SCMH1: variants seen among roughly 807,000 people sequenced by gnomAD.
The protein encoded by SCMH1 is polycomb protein SCMH1.
SCMH1 carries 37 observed loss-of-function variants against 70.8 expected under a neutral mutation model. The observed-to-expected ratio is 0.52, with a 90% CI of 0.40 to 0.69. SCMH1 has a LOEUF of 0.69. SCMH1 is among the 30% of genes least tolerant of loss of function. SCMH1 has a pLI of 0.00. For synonymous variants in SCMH1, 292 were observed against 307.4 expected (o/e 0.95, Z 0.52); for missense variants, 607 against 827.3 (o/e 0.73, Z 3.27).
intron 8 of SCMH1, chr1:41,098,493 A>G (rs1338499937): frequency 6.6e-6 from 1 of 152,240 alleles, no homozygotes; most frequent in Non-Finnish European, 1.5e-5. Flanking sequence ...TTATAGATGA[A>G]GAAACAAAGA....
chr1:41,196,838 A>G (rs1653134194), intron 1 of SCMH1, among the ~76,000 whole-genome samples: 1 of 152,204 alleles, frequency 6.6e-6, no homozygotes. Context: ...CGGAACCCCT[A>G]TAATTCAACA....
In SCMH1 at chr1:41,116,907, T is replaced by G; in HGVS notation, c.501+15A>C. On this transcript the variant is annotated intron_variant, in intron 7 of 14. Coordinates refer to ENST00000337495, the Ensembl canonical transcript of SCMH1. ...TAAGCAGCCTGGAGCTGGTGATATC[T>G]GAGGGATAGCCTACCTTGTGGAAAA... The G allele has an allele frequency of 4.4e-6, 7 of 1,590,848 alleles. No homozygotes were observed. Among genetic ancestry groups the G allele is most frequent in the Non-Finnish European group, 6.0e-6 (7 of 1,167,266 alleles).
intron 1 of SCMH1, among the ~76,000 whole-genome samples, chr1:41,196,110 A>C (rs566541871): frequency 3.7e-4 from 57 of 152,308 alleles, no homozygotes; most frequent in South Asian, 6.2e-4. Flanking sequence ...TCATGGACTG[A>C]AAGACTAATA....
chr1:41,114,257 T>C (rs894619887), intron 7 of SCMH1, among the ~76,000 whole-genome samples: 3 of 152,202 alleles, frequency 2.0e-5, no homozygotes, highest in Non-Finnish European at 4.4e-5. Flanking sequence ...TCCAAAGTGG[T>C]TGTAACATTG....
chr1:41,165,661 T>C (rs902291537), intron 2 of SCMH1, among the ~76,000 whole-genome samples: 1 of 152,164 alleles, frequency 6.6e-6, no homozygotes, highest in African/African-American at 2.4e-5. Context: ...TTTTTTAATA[T>C]ATCTGTGGCC....
chr1:41,075,564 G>A, intron 8 of SCMH1, 113 bp from the exon 9 acceptor site: 5 of 806,832 alleles, frequency 6.2e-6, no homozygotes, highest in South Asian at 1.8e-5. Flanking sequence ...CCAAGAAGCT[G>A]GTTTCCTGGC....
intron 1 of SCMH1, among the ~76,000 whole-genome samples, chr1:41,229,780 C>T (rs1244773317): frequency 6.6e-6 from 1 of 151,944 alleles, no homozygotes; most frequent in Admixed American, 6.6e-5. Context: ...GCCCTCATGT[C>T]CTCATGGAAC....
At position 41,080,530 on chromosome 1, in the gene SCMH1, T is replaced by C. The variant is rs1397897944; in HGVS notation, c.746-5079A>G. Among the ~76,000 whole-genome samples the C allele has an allele frequency of 2.0e-5, 3 of 152,146 alleles. No homozygotes were observed. The East Asian group carries it at 5.8e-4, about 29-fold the overall frequency. ...TCTCTCTCTATATGTATATCAGATA[T>C]ACAATCCTATATATATCATATCATA... is the stretch of plus-strand genomic sequence containing the variant. On this transcript the variant is annotated intron_variant, in intron 8 of 14. Coordinates refer to ENST00000337495, the Ensembl canonical transcript of SCMH1.
chr1:41,190,388 T>C (rs959818919), intron 1 of SCMH1, among the ~76,000 whole-genome samples: 19 of 152,186 alleles, frequency 1.2e-4, no homozygotes, highest in African/African-American at 2.7e-4. Flanking sequence ...TATAGGTAGA[T>C]AGACTTCAGC....
chr1:41,036,275 A>C (rs1645281642), intron 13 of SCMH1, among the ~76,000 whole-genome samples: 1 of 152,150 alleles, frequency 6.6e-6, no homozygotes, highest in African/African-American at 2.4e-5. Flanking sequence ...TGCCTGTTAG[A>C]TGTCATCTAT....
chr1:41,204,527 G>A (rs1273527870), intron 1 of SCMH1, among the ~76,000 whole-genome samples: 1 of 152,040 alleles, frequency 6.6e-6, no homozygotes, highest in African/African-American at 2.4e-5. Flanking sequence ...CAGCTATACT[G>A]GTCTTCTCAG....
At chr1:41,105,577 T>C (rs1396071817) in intron 8 of SCMH1, among the ~76,000 whole-genome samples, 1 of 152,136 alleles carries the variant, frequency 6.6e-6, no homozygotes, top group African/African-American at 2.4e-5. Flanking sequence ...ACTGAAAACT[T>C]GGCATTATTT....
chr1:41,193,164 C>A (rs1285736154), intron 1 of SCMH1, among the ~76,000 whole-genome samples: 1 of 152,230 alleles, frequency 6.6e-6, no homozygotes, highest in Non-Finnish European at 1.5e-5. Flanking sequence ...TATTTTACCT[C>A]AAGCATACAC....
intron 1 of SCMH1, among the ~76,000 whole-genome samples, chr1:41,231,706 C>G (rs1661328431): frequency 6.6e-6 from 1 of 152,156 alleles, no homozygotes. Flanking sequence ...TGTTTGATGA[C>G]TTTAACAGTT....
intron 7 of SCMH1, among the ~76,000 whole-genome samples, chr1:41,114,170 G>A (rs1041735440): frequency 1.3e-5 from 2 of 152,050 alleles, no homozygotes; most frequent in African/African-American, 4.8e-5. Context: ...ATACATCTAG[G>A]TGTAGAATTC....
intron 1 of SCMH1, among the ~76,000 whole-genome samples, chr1:41,212,813 T>A (rs962640275): frequency 5.9e-5 from 9 of 152,202 alleles, no homozygotes; most frequent in East Asian, 1.9e-4. Flanking sequence ...ATCATTTTTT[T>A]AAATTAATTT....
At chr1:41,203,104 A>G (rs937885930) in intron 1 of SCMH1, among the ~76,000 whole-genome samples, 3 of 152,032 alleles carry the variant, frequency 2.0e-5, no homozygotes, top group Non-Finnish European at 4.4e-5. Context: ...TTGGCAAGTA[A>G]TCATAAAAAT....
chr1:41,034,332 C>T (rs76220399), intron 13 of SCMH1, among the ~76,000 whole-genome samples: 5 of 145,798 alleles, frequency 3.4e-5, no homozygotes, highest in African/African-American at 1.3e-4. Context: ...CTTTTCTTTT[C>T]TTTTTTTTTT....
intron 6 of SCMH1, among the ~76,000 whole-genome samples, chr1:41,141,116 T>C (rs960487798): frequency 6.6e-6 from 1 of 152,208 alleles, no homozygotes; most frequent in Admixed American, 6.5e-5. Context: ...AACTAAATAG[T>C]TGATGAAAGT....
Sources: allele counts gnomAD v4.1 joint callset (sites outside exome capture counted in the v4.1 genomes callset), GRCh38; gene constraint gnomAD v4.1.1; transcripts MANE v1.5; gene names NCBI Gene and HGNC (gene_info 2026-07-23, HGNC 2026-07-21).